Variants in SDK1 observed in about 807,000 individuals in gnomAD.
SDK1 encodes the protein sidekick cell adhesion molecule 1.
Under a neutral mutation model 245.5 loss-of-function variants are expected in SDK1, and 157 were observed. The observed-to-expected ratio is 0.64, with a 90% CI of 0.56 to 0.73. The LOEUF (loss-of-function observed/expected upper bound fraction) is 0.73. Among genes scored for constraint, SDK1 ranks in the 30% least tolerant of loss-of-function variants. The pLI, the probability that SDK1 is intolerant of heterozygous loss-of-function variation, is 0.00. For missense variants in SDK1, 3,583 were observed against 3,002.3 expected, an observed-to-expected ratio of 1.19 and a Z score of -4.52; for synonymous variants, 1,647 against 1,278.5, an observed-to-expected ratio of 1.29 and a Z score of -6.15.
intron 1 of SDK1, among the ~76,000 whole-genome samples, chr7:3,407,784 T>C (rs1391398590): frequency 1.3e-5 from 2 of 152,150 alleles, no homozygotes; most frequent in East Asian, 3.9e-4. Flanking sequence ...AATTTGTCCT[T>C]CTCCTCAAGG....
At chr7:3,848,891 C>T (rs1295402712) in intron 5 of SDK1, among the ~76,000 whole-genome samples, 2 of 152,126 alleles carry the variant, frequency 1.3e-5, no homozygotes, top group South Asian at 2.1e-4. Context: ...AGGCTGGTCT[C>T]GAACTCCTGA....
chr7:3,657,113 C>G (rs972583510), intron 4 of SDK1, among the ~76,000 whole-genome samples: 3 of 152,130 alleles, frequency 2.0e-5, no homozygotes, highest in African/African-American at 7.2e-5. Flanking sequence ...AAGCTGCCGT[C>G]TAGAAGGAAC....
chr7:3,658,658 C>G (rs1464468576), intron 4 of SDK1, among the ~76,000 whole-genome samples: 1 of 135,398 alleles, frequency 7.4e-6, no homozygotes, highest in African/African-American at 2.8e-5. Flanking sequence ...GTCATCCAGG[C>G]TGGAGTGCAG....
intron 19 of SDK1, among the ~76,000 whole-genome samples, chr7:4,067,111 T>C (rs1779956923): frequency 1.3e-5 from 2 of 152,200 alleles, no homozygotes; most frequent in Admixed American, 1.3e-4. Context: ...GCTGAGTTAT[T>C]TTTATTTTCC....
chr7:3,364,000 T>C (rs1781021278), intron 1 of SDK1, among the ~76,000 whole-genome samples: 1 of 152,246 alleles, frequency 6.6e-6, no homozygotes, highest in African/African-American at 2.4e-5. Context: ...CATTCTGAGA[T>C]GTATGTGGTG....
chr7:3,864,419 C>T (rs1780771355), intron 5 of SDK1, among the ~76,000 whole-genome samples: 1 of 152,192 alleles, frequency 6.6e-6, no homozygotes, highest in African/African-American at 2.4e-5. Context: ...TAAACTGTCC[C>T]TTCCCTTTCC....
chr7:3,647,219 C>A (rs900362647), intron 4 of SDK1, among the ~76,000 whole-genome samples: 2 of 152,192 alleles, frequency 1.3e-5, no homozygotes, highest in Non-Finnish European at 2.9e-5. Flanking sequence ...CTATAGCAGT[C>A]TAGCCTGGAT....
At chr7:3,382,149 T>G (rs1781504995) in intron 1 of SDK1, among the ~76,000 whole-genome samples, 1 of 152,096 alleles carries the variant, frequency 6.6e-6, no homozygotes, top group African/African-American at 2.4e-5. Flanking sequence ...CATTTTTTTT[T>G]GTGTAGAGAC....
chr7:3,579,041 G>A (rs1035498199), intron 1 of SDK1, among the ~76,000 whole-genome samples: 4 of 151,878 alleles, frequency 2.6e-5, no homozygotes, highest in African/African-American at 4.8e-5. Context: ...TTCCTCTGCC[G>A]CGGCTCCAGC....
chr7:4,150,432 G>T (rs1332029747), intron 30 of SDK1, among the ~76,000 whole-genome samples: 2 of 152,194 alleles, frequency 1.3e-5, no homozygotes, highest in East Asian at 3.9e-4. Flanking sequence ...CAGGCTGGCC[G>T]AGCTTCCTCT....
intron 4 of SDK1, among the ~76,000 whole-genome samples, chr7:3,662,785 G>C (rs536623460): frequency 1.3e-5 from 2 of 152,296 alleles, no homozygotes; most frequent in African/African-American, 2.4e-5. Flanking sequence ...AAAATCTAAA[G>C]CTTTTTGAAC....
chr7:3,664,802 A>C (rs559604936), intron 4 of SDK1, among the ~76,000 whole-genome samples: 22 of 152,164 alleles, frequency 1.4e-4, no homozygotes, highest in Non-Finnish European at 3.1e-4. Context: ...TCTGCTTTCA[A>C]ATCTGCATGT....
chr7:3,742,970 C>G (rs1779518023), intron 4 of SDK1, among the ~76,000 whole-genome samples: 1 of 152,106 alleles, frequency 6.6e-6, no homozygotes, highest in African/African-American at 2.4e-5. Flanking sequence ...ATGAATGACC[C>G]TCATTAACAT....
intron 4 of SDK1, among the ~76,000 whole-genome samples, chr7:3,655,489 A>ATGTATGTATGTATG (rs1392944964): frequency 8.4e-5 from 5 of 59,552 alleles, no homozygotes; most frequent in Admixed American, 3.9e-4. Context: ...ATATATATAT[A>ATGTATGTATGTATG]TATATATATA....
chr7:4,239,066 G>A (rs770276912), intron 42 of SDK1, among the ~76,000 whole-genome samples: 17 of 152,192 alleles, frequency 1.1e-4, no homozygotes, highest in Admixed American at 5.9e-4. Context: ...TGAGCCGTCT[G>A]AGGGCCAGGT....
At chr7:3,843,016 C>T (rs556544858) in intron 5 of SDK1, among the ~76,000 whole-genome samples, 4 of 152,202 alleles carry the variant, frequency 2.6e-5, no homozygotes, top group East Asian at 1.9e-4. Context: ...GCCTAACGCC[C>T]GTCAGTCCGT....
intron 1 of SDK1, among the ~76,000 whole-genome samples, chr7:3,560,454 G>T (rs1203424625): frequency 6.6e-6 from 1 of 151,980 alleles, no homozygotes; most frequent in African/African-American, 2.4e-5. Context: ...TATCCAGTGT[G>T]TTGGATAGTA....
At chr7:3,555,603 C>T (rs1779563837) in intron 1 of SDK1, among the ~76,000 whole-genome samples, 1 of 152,074 alleles carries the variant, frequency 6.6e-6, no homozygotes, top group Non-Finnish European at 1.5e-5. Flanking sequence ...AGCTTCTGCA[C>T]AGCAAAGGAA....
intron 1 of SDK1, among the ~76,000 whole-genome samples, chr7:3,344,271 TC>T (rs1370971608): frequency 6.6e-6 from 1 of 152,222 alleles, no homozygotes; most frequent in African/African-American, 2.4e-5. Flanking sequence ...TCCTAATTTT[TC>T]ATCTGAATCA....
Sources: gnomAD v4.1 joint callset for allele counts (sites outside exome capture counted in the v4.1 genomes callset) on GRCh38, gnomAD v4.1.1 for gene constraint, MANE v1.5 for transcripts, NCBI Gene and HGNC (gene_info 2026-07-23, HGNC 2026-07-21) for gene names.